The following ZNF217 variants were observed in gnomAD, a reference collection of about 807,000 sequenced individuals.
ZNF217 encodes the protein zinc finger protein 217.
Under a neutral mutation model 73.3 loss-of-function variants are expected in ZNF217, and 12 were observed. The observed-to-expected ratio is 0.16, with a 90% confidence interval of 0.10 to 0.27. The LOEUF is 0.27. ZNF217 is among the 10% of genes least tolerant of loss of function. ZNF217 has a pLI of 1.00. For missense variants in ZNF217, 1,195 were observed against 1,327.8 expected, an observed-to-expected ratio of 0.90 and a Z score of 1.55; for synonymous variants, 588 against 516.4, an observed-to-expected ratio of 1.14 and a Z score of -1.88.
Position 53,575,840 on chromosome 20 carries a change from G to A in ZNF217, c.2924C>T (p.Ser975Phe), listed in dbSNP as rs1439945173. 8 of 1,614,086 alleles carry A rather than the reference G, an allele frequency of 5.0e-6. No individual in the cohort carries two copies. The highest frequency in any genetic ancestry group is 2.7e-5 in the African/African-American group (2 of 74,934). The change falls in exon 4 of 6, where the codon TCC becomes TTC. Residue 975 changes from serine (S) to phenylalanine (F), a missense_variant. Ser to Phe is a radical substitution (Grantham distance 155, BLOSUM62 -2). Coordinates refer to ENST00000371471, the MANE Select transcript of ZNF217 (RefSeq NM_006526.3). ...ALPPKPRFLS[S>F]SEVDSPNVLT... is the part of the protein sequence containing the mutation. The stretch of plus-strand genomic sequence containing the variant: ...CACATTTGGAGAATCGACCTCGCTG[G>A]AGCTCAGGAACCTTGGTTTGGGAGG...
At position 53,576,336 on chromosome 20, in the gene ZNF217, A is replaced by G; in HGVS notation, c.2428T>C (p.Ser810Pro). 1 of 1,614,146 alleles carries G rather than the reference A, an allele frequency of 6.2e-7. No individual in the cohort carries two copies. The highest frequency in any genetic ancestry group is 8.5e-7 in the Non-Finnish European group (1 of 1,180,026). The change falls in exon 4 of 6, where the codon TCT becomes CCT. Residue 810 changes from serine to proline, a missense_variant. Around this residue, in one of 9 missense-constraint regions of ZNF217, gnomAD observed 649 missense variants for 642.8 expected, o/e 1.01. Transcript: ENST00000371471. ...AGGTTACTTGGGGCTAAAGTGCTAG[A>G]GTCTATCCCTGAAGTCAGAGGGGCC... ...GKAPLTSGID[S>P]STLAPSNLKS...
chr20:53,583,515 G>T (rs1357744525), intron 1 of ZNF217, among the ~76,000 whole-genome samples: 1 of 152,120 alleles, frequency 6.6e-6, no homozygotes, highest in Non-Finnish European at 1.5e-5. Context: ...GCCATCAACA[G>T]CCTCCCTAAA....
At position 53,581,839 on chromosome 20, in the gene ZNF217, C is replaced by G. The variant is rs1188230738; in HGVS notation, c.988G>C (p.Glu330Gln). Residue 330 changes from glutamate (E) to glutamine (Q), a missense_variant, in exon 2 of 6, where the codon GAG becomes CAG. By Grantham distance (29) the Glu-to-Gln change is conservative. Around this residue, in one of 9 missense-constraint regions of ZNF217, gnomAD observed 102 missense variants for 91.9 expected, o/e 1.11. Coordinates refer to ENST00000371471, the MANE Select transcript of ZNF217 (RefSeq NM_006526.3). The surrounding 1 kb of genome is among the most constrained non-coding windows in gnomAD (Gnocchi z 4.9). ...TTATTTGTTTCTCCAAGCTCCTTCTCGGAACTCGAATCGTCGTTGTCGGTG... is the reference window on the plus strand; with the variant it reads ...TTATTTGTTTCTCCAAGCTCCTTCTGGGAACTCGAATCGTCGTTGTCGGTG... ...GSTDNDDSSS[E>Q]KELGETNKGS... 5 of 1,614,126 alleles carry G rather than the reference C, an allele frequency of 3.1e-6. No homozygotes were observed. Among genetic ancestry groups the G allele is most frequent in the Non-Finnish European group, 4.2e-6 (5 of 1,180,050 alleles).
Position 53,568,122 on chromosome 20 carries a change from G to T in ZNF217, c.*1166C>A, listed in dbSNP as rs1227111502. ...AAAATGGGAAAATAACTGAGGTCTA[G>T]AAACAGATTTTCTCTTTCTAGACTC... On this transcript the variant is annotated 3_prime_UTR_variant, in exon 6 of 6. Transcript: ENST00000371471. The T allele has an allele frequency of 6.6e-6, 1 of 152,160 alleles. No homozygotes were observed. Among genetic ancestry groups the T allele is most frequent in the Non-Finnish European group, 1.5e-5 (1 of 68,024 alleles). 9.4% of individuals were successfully genotyped at this position (152,160 alleles called of 1,614,324 possible). A position where few individuals can be genotyped will look rare whatever the true frequency, so the allele number is the denominator to read the frequency against.
intron 1 of ZNF217, among the ~76,000 whole-genome samples, chr20:53,586,295 C>T (rs1171167334): frequency 6.6e-6 from 1 of 152,046 alleles, no homozygotes; most frequent in Admixed American, 6.6e-5. Flanking sequence ...AGTCACTAAC[C>T]GTAACTGATC....
At position 53,577,191 on chromosome 20, in the gene ZNF217, T is replaced by C. The variant is rs1314692177; in HGVS notation, c.1573A>G (p.Lys525Glu). ...ACTTCAGCAGCAACATCGGTTTGTTTTTCCTTGTGATGTCTCTCCAAGTGA... is the reference window on the plus strand; with the variant it reads ...ACTTCAGCAGCAACATCGGTTTGTTCTTCCTTGTGATGTCTCTCCAAGTGA... ...RYHLERHHKE[K>E]QTDVAAEVKN... The change falls in exon 4 of 6, where the codon AAA becomes GAA. Residue 525 changes from lysine to glutamate, a missense_variant. Physicochemically the swap from Lys to Glu is moderately conservative, Grantham distance 56 (BLOSUM62 1). Around this residue, in one of 9 missense-constraint regions of ZNF217, gnomAD observed 12 missense variants for 53.8 expected, o/e 0.22. Coordinates refer to ENST00000371471, the MANE Select transcript of ZNF217 (RefSeq NM_006526.3). 2 of 1,612,520 alleles carry C rather than the reference T, an allele frequency of 1.2e-6. No homozygotes were observed. Among genetic ancestry groups the C allele is most frequent in the African/African-American group, 1.3e-5 (1 of 74,940 alleles).
At chr20:53,583,526 T>C (rs1342834330) in intron 1 of ZNF217, among the ~76,000 whole-genome samples, 3 of 152,176 alleles carry the variant, frequency 2.0e-5, no homozygotes, top group South Asian at 4.2e-4. Flanking sequence ...CCTCCCTAAA[T>C]CTAAAGACTA....
upstream of ZNF217, among the ~76,000 whole-genome samples, chr20:53,597,097 GA>G (rs1161731962): frequency 5.2e-3 from 538 of 102,920 alleles, no homozygotes; most frequent in African/African-American, 0.014. Context: ...AAAAAAAAAA[GA>G]AAAAAAAAAA....
rs773734828 is a variant in ZNF217, at chr20:53,569,080, G to A, written c.*208C>T. 2.4e-6 allele frequency: 3 copies of A among 1,234,004 alleles called. No individual in the cohort carries two copies. Among genetic ancestry groups the A allele is most frequent in the South Asian group, 1.4e-5 (1 of 69,178 alleles). 76.4% of individuals were successfully genotyped at this position (1,234,004 alleles called of 1,614,324 possible). A position where few individuals can be genotyped will look rare whatever the true frequency, so the allele number is the denominator to read the frequency against. ...AAGTTCCAACTGTTCCAACTAGTTT[G>A]TATTGCTATTTGGTACAAAAGTTAA... On this transcript the variant is annotated 3_prime_UTR_variant, in exon 6 of 6. Transcript: ENST00000371471.
At chr20:53,585,290 T>C (rs1251333745) in intron 1 of ZNF217, among the ~76,000 whole-genome samples, 5 of 152,132 alleles carry the variant, frequency 3.3e-5, no homozygotes, top group Non-Finnish European at 7.4e-5. Flanking sequence ...ACGGGTATAG[T>C]GGCTCACACC....
chr20:53,571,763 G>A lies in ZNF217; in HGVS notation c.3128C>T (p.Pro1043Leu). ...ENFIGNAHYR[P>L]NDKKT ...AGTGAATCAAGTTTTTTTGTCATTT[G>A]GTCGATAATGTGCATTCCCAATAAA... Residue 1043 changes from proline (P) to leucine (L), a missense_variant, in exon 5 of 6, where the codon CCA becomes CTA. By Grantham distance (98) the Pro-to-Leu change is moderately conservative. Transcript: ENST00000371471. The A allele has an allele frequency of 1.2e-6, 2 of 1,610,114 alleles. No individual in the cohort carries two copies. The highest frequency in any genetic ancestry group is 1.7e-6 in the Non-Finnish European group (2 of 1,178,690).
intron 4 of ZNF217, chr20:53,572,572 C>A (rs1988059989): frequency 6.6e-6 from 1 of 152,138 alleles, no homozygotes; most frequent in Non-Finnish European, 1.5e-5. Flanking sequence ...ACTATTTCAT[C>A]ACAATTTTTA....
rs1988474143 is a variant in ZNF217, at chr20:53,581,373, G to A, written c.1366+88C>T. ...TCTCCAAACCCCATTCCTGGCCAGCGTTGTCTGGAGATGGGAATAGAGAGG... is the reference window on the plus strand; with the variant it reads ...TCTCCAAACCCCATTCCTGGCCAGCATTGTCTGGAGATGGGAATAGAGAGG... On this transcript the variant is annotated intron_variant, in intron 2 of 5. Transcript: ENST00000371471. The surrounding 1 kb of genome is among the most constrained non-coding windows in gnomAD (Gnocchi z 4.9). 4 of 1,498,330 alleles carry A rather than the reference G, an allele frequency of 2.7e-6. No homozygotes were observed. Among genetic ancestry groups the A allele is most frequent in the South Asian group, 1.3e-5 (1 of 75,356 alleles). 92.8% of individuals were successfully genotyped at this position (1,498,330 alleles called of 1,614,324 possible). A position where few individuals can be genotyped will look rare whatever the true frequency, so the allele number is the denominator to read the frequency against.
intron 5 of ZNF217, among the ~76,000 whole-genome samples, chr20:53,571,252 T>C (rs1219403376): frequency 6.6e-6 from 1 of 152,132 alleles, no homozygotes; most frequent in African/African-American, 2.4e-5. Context: ...ACTATGACTG[T>C]TTTCCTATTA....
upstream of ZNF217, among the ~76,000 whole-genome samples, chr20:53,594,303 G>A (rs1018718310): frequency 6.6e-6 from 1 of 150,902 alleles, no homozygotes; most frequent in Non-Finnish European, 1.5e-5. Context: ...CCTCGGCCCC[G>A]CCGCTCGGAG....
At chr20:53,593,142 G>A (rs1332074356) in intron 1 of ZNF217, among the ~76,000 whole-genome samples, 1 of 152,032 alleles carries the variant, frequency 6.6e-6, no homozygotes, top group Non-Finnish European at 1.5e-5. Flanking sequence ...TTGGGCACCC[G>A]AGGGAGTCAC....
chr20:53,570,892 G>A (rs1424197220), intron 5 of ZNF217, among the ~76,000 whole-genome samples: 1 of 152,210 alleles, frequency 6.6e-6, no homozygotes, highest in Non-Finnish European at 1.5e-5. Context: ...TGAGCAAACT[G>A]CATAATCCAT....
At chr20:53,590,576 A>G (rs1244750591) in intron 1 of ZNF217, among the ~76,000 whole-genome samples, 2 of 152,116 alleles carry the variant, frequency 1.3e-5, no homozygotes, top group South Asian at 2.1e-4. Flanking sequence ...TTATCAACCA[A>G]TATCATGTTT....
chr20:53,595,951 G>A (rs10439566), upstream of ZNF217, among the ~76,000 whole-genome samples: 744 of 152,224 alleles, frequency 4.9e-3, 8 homozygotes, highest in African/African-American at 0.017. Context: ...TTTGAACTCC[G>A]AGACCTTGAA....
Sources: allele counts gnomAD v4.1 joint callset (sites outside exome capture counted in the v4.1 genomes callset), GRCh38; gene constraint gnomAD v4.1.1; regional missense constraint gnomAD v4.1.1; non-coding constraint Gnocchi (gnomAD v3.1); transcripts MANE v1.5; gene names NCBI Gene and HGNC (gene_info 2026-07-23, HGNC 2026-07-21).